Variants in SUCLG2 observed in about 807,000 individuals in gnomAD.
SUCLG2 encodes succinate--CoA ligase [GDP-forming] subunit beta, mitochondrial.
SUCLG2 carries 42 observed loss-of-function variants against 47.9 expected under a neutral mutation model. That is an observed-to-expected ratio of 0.88 (90% CI 0.69 to 1.14). The LOEUF (loss-of-function observed/expected upper bound fraction) is 1.14. SUCLG2 is among the 50% of genes most tolerant of loss of function. The pLI is 0.00. For missense variants in SUCLG2, 571 were observed against 525.9 expected (o/e 1.09, Z -0.84); for synonymous variants, 195 against 197.3 (o/e 0.99, Z 0.10).
intron 1 of SUCLG2, among the ~76,000 whole-genome samples, chr3:67,618,294 C>T (rs1700666787): frequency 6.6e-6 from 1 of 152,216 alleles, no homozygotes; most frequent in South Asian, 2.1e-4. Context: ...GTGGTGCGTG[C>T]CTGTAGTCCC....
chr3:67,432,484 G>A (rs1703511897), intron 9 of SUCLG2, among the ~76,000 whole-genome samples: 1 of 152,156 alleles, frequency 6.6e-6, no homozygotes. Context: ...AACTATAAAC[G>A]TTCCAGCTAT....
chr3:67,641,952 T>A (rs1028331430), intron 1 of SUCLG2, among the ~76,000 whole-genome samples: 1 of 152,220 alleles, frequency 6.6e-6, no homozygotes, highest in Non-Finnish European at 1.5e-5. Flanking sequence ...CATGGCTTTC[T>A]CCCTGGGCGT....
chr3:67,562,343 T>C (rs1707329161), intron 2 of SUCLG2, among the ~76,000 whole-genome samples: 1 of 152,102 alleles, frequency 6.6e-6, no homozygotes, highest in African/African-American at 2.4e-5. Context: ...AGCAGTGCCA[T>C]CTCGGCTCAT....
chr3:67,631,778 C>G (rs1700930339), intron 1 of SUCLG2, among the ~76,000 whole-genome samples: 1 of 152,170 alleles, frequency 6.6e-6, no homozygotes, highest in African/African-American at 2.4e-5. Flanking sequence ...CTATGATGGT[C>G]TCAAAGGCAC....
downstream of SUCLG2, among the ~76,000 whole-genome samples, chr3:67,373,038 G>T (rs534644692): frequency 6.6e-6 from 1 of 152,206 alleles, no homozygotes; most frequent in East Asian, 1.9e-4. Flanking sequence ...GCCAACTCCA[G>T]ATCTAGAAAA....
chr3:67,602,912 T>C (rs936053192), intron 2 of SUCLG2, among the ~76,000 whole-genome samples: 1 of 152,102 alleles, frequency 6.6e-6, no homozygotes, highest in South Asian at 2.1e-4. Context: ...GAGGCTCACA[T>C]AATCACCAAG....
chr3:67,510,347 A>C (rs1340707537), intron 6 of SUCLG2, among the ~76,000 whole-genome samples: 3 of 152,222 alleles, frequency 2.0e-5, no homozygotes, highest in Non-Finnish European at 4.4e-5. Context: ...AGTAGATATA[A>C]ACGAACCCAC....
At chr3:67,486,264 G>A (rs6548593) in intron 9 of SUCLG2, among the ~76,000 whole-genome samples, 118,254 of 151,920 alleles carry the variant, frequency 0.78, 46,286 homozygotes, top group Admixed American at 0.85. Flanking sequence ...GACCCTGTGA[G>A]AAAAGACAGT....
intron 2 of SUCLG2, among the ~76,000 whole-genome samples, chr3:67,556,906 AG>A (rs1707177508): frequency 6.6e-6 from 1 of 152,236 alleles, no homozygotes; most frequent in South Asian, 2.1e-4. Context: ...AAATAACACA[AG>A]TAAAAAAACT....
intron 9 of SUCLG2, among the ~76,000 whole-genome samples, chr3:67,414,104 G>A (rs888923528): frequency 3.3e-5 from 5 of 152,106 alleles, no homozygotes; most frequent in East Asian, 1.9e-4. Flanking sequence ...TTCTTACTCC[G>A]GAAACCTGGA....
chr3:67,557,326 A>C (rs890114591), intron 2 of SUCLG2, among the ~76,000 whole-genome samples: 4 of 152,194 alleles, frequency 2.6e-5, no homozygotes, highest in Non-Finnish European at 5.9e-5. Context: ...GATGTTTCTA[A>C]TGAAGAGAAT....
intron 9 of SUCLG2, among the ~76,000 whole-genome samples, chr3:67,431,711 G>T (rs533083483): frequency 6.6e-6 from 1 of 150,930 alleles, no homozygotes; most frequent in Non-Finnish European, 1.5e-5. Context: ...ACACACGGTG[G>T]GGAACATCAC....
chr3:67,613,098 T>C (rs922579537), intron 1 of SUCLG2, among the ~76,000 whole-genome samples: 8 of 152,322 alleles, frequency 5.3e-5, no homozygotes, highest in Non-Finnish European at 8.8e-5. Context: ...CCTTGTCCTC[T>C]TAAGATTTTA....
At chr3:67,635,882 C>G (rs180851886) in intron 1 of SUCLG2, among the ~76,000 whole-genome samples, 12 of 152,312 alleles carry the variant, frequency 7.9e-5, no homozygotes, top group African/African-American at 2.4e-4. Flanking sequence ...GGTCTCCCAG[C>G]CTTTGGCACT....
intron 2 of SUCLG2, among the ~76,000 whole-genome samples, chr3:67,564,597 G>C (rs1457306760): frequency 6.6e-6 from 1 of 152,260 alleles, no homozygotes; most frequent in African/African-American, 2.4e-5. Flanking sequence ...CAGTTAGCAA[G>C]CTTGTCCAAT....
downstream of SUCLG2, among the ~76,000 whole-genome samples, chr3:67,371,572 C>T (rs924845751): frequency 1.3e-5 from 2 of 152,160 alleles, no homozygotes; most frequent in Non-Finnish European, 2.9e-5. Flanking sequence ...TGTGCAAGTC[C>T]CGGAGGTGCC....
At chr3:67,416,078 C>A (rs989097714) in intron 9 of SUCLG2, among the ~76,000 whole-genome samples, 1 of 152,262 alleles carries the variant, frequency 6.6e-6, no homozygotes, top group East Asian at 1.9e-4. Context: ...ATCCTCTAGC[C>A]CCAGTCAATC....
At chr3:67,394,814 A>T (rs1304541091) in intron 10 of SUCLG2, among the ~76,000 whole-genome samples, 1 of 152,030 alleles carries the variant, frequency 6.6e-6, no homozygotes, top group East Asian at 1.9e-4. Context: ...TCAGACTAAC[A>T]GCGGATCTCT....
At chr3:67,381,196 AAAT>A (rs911428054) in intron 10 of SUCLG2, among the ~76,000 whole-genome samples, 11 of 80,744 alleles carry the variant, frequency 1.4e-4, no homozygotes, top group Admixed American at 7.9e-4. Context: ...ATAAATAAAT[AAAT>A]AAATAAAATA....
Sources: allele counts gnomAD v4.1 joint callset (sites outside exome capture counted in the v4.1 genomes callset), GRCh38; gene constraint gnomAD v4.1.1; transcripts MANE v1.5; gene names NCBI Gene and HGNC (gene_info 2026-07-23, HGNC 2026-07-21).